RP1: variants seen among roughly 807,000 people sequenced by gnomAD.
RP1 encodes the protein oxygen-regulated protein 1.
A neutral mutation model predicts 14.8 loss-of-function variants in RP1; 16 were observed. The observed-to-expected ratio is 1.08, with a 90% CI of 0.73 to 1.65. The LOEUF (loss-of-function observed/expected upper bound fraction) is 1.65. Among genes scored for constraint, RP1 ranks in the 40% most tolerant of loss-of-function variants. RP1 has a pLI of 0.00. For synonymous variants in RP1, 876 were observed against 883.6 expected (o/e 0.99, Z 0.15); for missense variants, 2,631 against 2,535.0 (o/e 1.04, Z -0.81).
intron 12 of RP1, among the ~76,000 whole-genome samples, chr8:54,688,612 C>A (rs1282364511): frequency 6.6e-6 from 1 of 152,116 alleles, no homozygotes; most frequent in Non-Finnish European, 1.5e-5. Context: ...TGTCAAAGAT[C>A]AGATGGTTGT....
chr8:54,609,151 A>G (rs1805530447), intron 1 of RP1, among the ~76,000 whole-genome samples: 1 of 152,206 alleles, frequency 6.6e-6, no homozygotes, highest in Admixed American at 6.5e-5. Context: ...GGGTAGCAAG[A>G]GCCAGGAAAG....
chr8:54,745,179 G>C (rs1222193055), intron 19 of RP1, among the ~76,000 whole-genome samples: 1 of 152,134 alleles, frequency 6.6e-6, no homozygotes, highest in Non-Finnish European at 1.5e-5. Context: ...ACCAGATTGT[G>C]CTTAGTTATC....
chr8:54,681,482 T>G (rs917489842), intron 12 of RP1, among the ~76,000 whole-genome samples: 22 of 141,776 alleles, frequency 1.6e-4, no homozygotes, highest in Admixed American at 1.1e-3. Flanking sequence ...ATTTTTTGAT[T>G]TGTGTGTGTG....
chr8:54,863,296 C>T (rs1395519286), intron 27 of RP1, among the ~76,000 whole-genome samples: 1 of 152,072 alleles, frequency 6.6e-6, no homozygotes, highest in Non-Finnish European at 1.5e-5. Context: ...CAGTAACACG[C>T]TGAACAGGTT....
intron 24 of RP1, among the ~76,000 whole-genome samples, chr8:54,833,956 AT>A (rs894109743): frequency 3.9e-5 from 6 of 152,092 alleles, no homozygotes; most frequent in Admixed American, 1.3e-4. Context: ...ATGAAAAAAA[AT>A]CAACAGCTAT....
In RP1 at chr8:54,850,035, G is replaced by T. The variant is rs1028406223; in HGVS notation, c.3836-2539G>T. 4.6e-5 allele frequency among the ~76,000 whole-genome samples: 7 copies of T among 152,180 alleles called. 1 individual carries two copies. In the South Asian group the frequency reaches 1.4e-3, roughly 31 times the overall value. Reference sequence around the variant, plus strand: ...TCATATAAGGTTTTCATAAGCACCTGAAGTTAGTTGCTAATTGTCAGAAAG... The same window carrying T: ...TCATATAAGGTTTTCATAAGCACCTTAAGTTAGTTGCTAATTGTCAGAAAG... On this transcript the variant is annotated intron_variant, in intron 25 of 28. Coordinates refer to the RP1 transcript ENST00000637698.
chr8:54,685,431 C>T (rs1021885295), intron 12 of RP1, among the ~76,000 whole-genome samples: 2 of 152,168 alleles, frequency 1.3e-5, no homozygotes, highest in Admixed American at 6.6e-5. Context: ...CATTCAGGAG[C>T]AGGTCGTTCA....
intron 19 of RP1, among the ~76,000 whole-genome samples, chr8:54,750,829 G>A (rs7814689): frequency 6.6e-6 from 1 of 152,306 alleles, no homozygotes; most frequent in Middle Eastern, 3.4e-3. Flanking sequence ...TCTGTAAAAC[G>A]CACCAATCAG....
intron 24 of RP1, among the ~76,000 whole-genome samples, chr8:54,818,634 G>A (rs1811188324): frequency 1.3e-5 from 2 of 152,334 alleles, no homozygotes; most frequent in African/African-American, 2.4e-5. Flanking sequence ...ATGGCAGGAA[G>A]GGGTGTCAGA....
intron 23 of RP1, among the ~76,000 whole-genome samples, chr8:54,779,897 A>G (rs559366813): frequency 2.4e-4 from 36 of 152,234 alleles, no homozygotes; most frequent in South Asian, 6.2e-4. Context: ...TTCAGCAGCT[A>G]TTCTAGTTAT....
chr8:54,734,807 AGTGTGTGTGT>A lies in RP1; in HGVS notation c.2721+78_2721+87del, dbSNP rs112017805. The A allele has an allele frequency of 5.6e-5, 67 of 1,201,270 alleles. No homozygotes were observed. The African/African-American group carries it at 8.3e-4, about 15-fold the overall frequency. 74.4% of individuals were successfully genotyped at this position (1,201,270 alleles called of 1,614,324 possible). On this transcript the variant is annotated intron_variant, in intron 18 of 22. Coordinates refer to the RP1 transcript ENST00000636932. ...TTCAAAGACATTTCTGTAATGTAGAAGTGTGTGTGTGTGTGTGTGTGTGTCTCCTATATAA... is the reference window on the plus strand; with the variant it reads ...TTCAAAGACATTTCTGTAATGTAGAAGTGTGTGTGTGTGTCTCCTATATAA...
chr8:54,732,767 G>GTT (rs1422622389), intron 17 of RP1, among the ~76,000 whole-genome samples: 1 of 152,174 alleles, frequency 6.6e-6, no homozygotes, highest in Non-Finnish European at 1.5e-5. Flanking sequence ...ATGTTCACAT[G>GTT]TAACACTGAG....
At chr8:54,777,308 G>A (rs1419486177) in intron 23 of RP1, among the ~76,000 whole-genome samples, 4 of 152,162 alleles carry the variant, frequency 2.6e-5, no homozygotes, top group Non-Finnish European at 5.9e-5. Flanking sequence ...TTCCCACCCG[G>A]TTGGCTGACT....
intron 1 of RP1, among the ~76,000 whole-genome samples, chr8:54,570,332 C>CTT (rs35579675): frequency 1.1e-3 from 165 of 144,008 alleles, no homozygotes; most frequent in Admixed American, 3.3e-3. Flanking sequence ...CTTTTATGTA[C>CTT]TTTTTTTTTT....
At chr8:54,612,706 C>T (rs1421838023), upstream of RP1, among the ~76,000 whole-genome samples, 1 of 152,140 alleles carries the variant, frequency 6.6e-6, no homozygotes, top group Non-Finnish European at 1.5e-5. Flanking sequence ...AAGTATTTAC[C>T]AACGGCTACA....
At chr8:54,775,731 G>A (rs575443148) in intron 23 of RP1, among the ~76,000 whole-genome samples, 3 of 152,334 alleles carry the variant, frequency 2.0e-5, no homozygotes, top group Admixed American at 1.3e-4. Flanking sequence ...AGGATAGTTC[G>A]TTATGCAGGA....
intron 12 of RP1, among the ~76,000 whole-genome samples, chr8:54,695,000 A>G (rs1183401457): frequency 1.3e-5 from 2 of 151,992 alleles, no homozygotes; most frequent in African/African-American, 4.8e-5. Context: ...AATGTGTCCC[A>G]GAGATTCTGG....
chr8:54,607,722 C>T (rs186516648), intron 1 of RP1, among the ~76,000 whole-genome samples: 73 of 152,292 alleles, frequency 4.8e-4, no homozygotes, highest in Admixed American at 1.1e-3. Flanking sequence ...ACTTTGTTTA[C>T]CTACTCAAGC....
At chr8:54,582,515 A>G (rs1198926385) in intron 1 of RP1, among the ~76,000 whole-genome samples, 1 of 151,580 alleles carries the variant, frequency 6.6e-6, no homozygotes, top group Non-Finnish European at 1.5e-5. Flanking sequence ...TGAACTTAAA[A>G]GTAGTTTTTT....
Sources: allele counts gnomAD v4.1 joint callset (sites outside exome capture counted in the v4.1 genomes callset), GRCh38; gene constraint gnomAD v4.1.1; transcripts MANE v1.5; gene names NCBI Gene and HGNC (gene_info 2026-07-23, HGNC 2026-07-21).